Variants in NBEA observed in about 807,000 individuals in gnomAD.
NBEA encodes neurobeachin.
Under a neutral mutation model 343.4 loss-of-function variants are expected in NBEA, and 44 were observed. The observed-to-expected ratio is 0.13, with a 90% CI of 0.10 to 0.16. The LOEUF (loss-of-function observed/expected upper bound fraction) is 0.16, where lower values mean the gene tolerates loss of function less well. Among genes scored for constraint, NBEA ranks in the 10% least tolerant of loss-of-function variants. The pLI, the probability that NBEA is intolerant of heterozygous loss-of-function variation, is 1.00. For synonymous variants in NBEA, 1,175 were observed against 1,238.7 expected (o/e 0.95, Z 1.08); for missense variants, 2,555 against 3,631.3 (o/e 0.70, Z 7.62).
intron 1 of NBEA, among the ~76,000 whole-genome samples, chr13:35,016,556 A>G (rs571130101): frequency 2.0e-5 from 3 of 151,178 alleles, no homozygotes; most frequent in African/African-American, 7.3e-5. Context: ...GAGCTACAAT[A>G]CAAGCTCCAC....
chr13:35,116,095 C>T (rs2066479819), intron 13 of NBEA, among the ~76,000 whole-genome samples: 1 of 152,044 alleles, frequency 6.6e-6, no homozygotes, highest in African/African-American at 2.4e-5. Flanking sequence ...CAGGATGGGA[C>T]CACAATCAGT....
At chr13:35,503,980 G>T (rs971371620) in intron 41 of NBEA, among the ~76,000 whole-genome samples, 1 of 152,120 alleles carries the variant, frequency 6.6e-6, no homozygotes, top group Non-Finnish European at 1.5e-5. Context: ...GATTTGAAGT[G>T]TGCAAAATTT....
intron 1 of NBEA, among the ~76,000 whole-genome samples, chr13:34,975,835 A>T (rs2060155622): frequency 6.6e-6 from 1 of 152,234 alleles, no homozygotes; most frequent in Admixed American, 6.5e-5. Context: ...GCTCAACATC[A>T]CTTATTATCA....
chr13:35,162,159 A>T (rs752086864), intron 23 of NBEA, among the ~76,000 whole-genome samples, 192 bp downstream of exon 23: 5 of 152,144 alleles, frequency 3.3e-5, no homozygotes, highest in Non-Finnish European at 7.4e-5. Context: ...TAAGTTTAAA[A>T]TCACCCTGTG....
chr13:35,671,162 T>C lies in NBEA; in HGVS notation c.*171T>C. ...AGCAACCATTTTACTTTGTGTGTTT[T>C]TTCACGACTGAACACCAGCTGCTAT... On this transcript the variant is annotated 3_prime_UTR_variant, in exon 59 of 59. Transcript: ENST00000379939. 1 of 561,846 alleles carries C rather than the reference T, an allele frequency of 1.8e-6. No homozygotes were observed. 34.8% of individuals were successfully genotyped at this position (561,846 alleles called of 1,614,324 possible). A position where few individuals can be genotyped will look rare whatever the true frequency, so the allele number is the denominator to read the frequency against.
intron 40 of NBEA, 132 bp downstream of exon 40, chr13:35,452,367 C>G: frequency 1.5e-6 from 1 of 667,490 alleles, no homozygotes; most frequent in Non-Finnish European, 2.6e-6. Flanking sequence ...TGTTAAAACT[C>G]TACTTTATCT....
intron 11 of NBEA, among the ~76,000 whole-genome samples, chr13:35,101,572 TAGG>T (rs1446162826): frequency 6.6e-6 from 1 of 151,886 alleles, no homozygotes; most frequent in East Asian, 1.9e-4. Context: ...TATTGATTTG[TAGG>T]AGTTTTTTTT....
chr13:35,232,412 T>G (rs9565113), intron 33 of NBEA, 80 bp from the exon 34 acceptor site: 816,067 of 973,858 alleles, frequency 0.84, 344,442 homozygotes, highest in South Asian at 0.94. Context: ...GATTTTTAAA[T>G]ATTTTAATTT....
At chr13:35,273,146 A>C (rs1277450598) in intron 34 of NBEA, among the ~76,000 whole-genome samples, 1 of 152,180 alleles carries the variant, frequency 6.6e-6, no homozygotes, top group Non-Finnish European at 1.5e-5. Context: ...AAATCACAAC[A>C]AACTTTCTCT....
chr13:35,271,139 C>T (rs12867391), intron 34 of NBEA, among the ~76,000 whole-genome samples: 20 of 152,098 alleles, frequency 1.3e-4, no homozygotes, highest in Non-Finnish European at 2.2e-4. Flanking sequence ...CCCTCTGGGA[C>T]GAAGCTTCCA....
intron 49 of NBEA, among the ~76,000 whole-genome samples, chr13:35,639,238 A>G (rs189509857): frequency 2.0e-5 from 3 of 152,312 alleles, no homozygotes; most frequent in Non-Finnish European, 4.4e-5. Flanking sequence ...ATAGCATTTT[A>G]ATTTTTTATA....
intron 38 of NBEA, among the ~76,000 whole-genome samples, chr13:35,417,248 C>T (rs1262157325): frequency 6.6e-6 from 1 of 152,048 alleles, no homozygotes; most frequent in Non-Finnish European, 1.5e-5. Context: ...CAGTTCTGCT[C>T]TGATCTTAGT....
chr13:35,196,274 C>G lies in NBEA; in HGVS notation c.5338C>G (p.Leu1780Val), dbSNP rs780695198. ...ATTGAAGAGAGAAACACAAGCTATT[C>G]TTCCTATGCAGTTTCATTCCTTTGA... ...PALKRETQAI[L>V]PMQFHSFDRS... Residue 1780 changes from leucine to valine, a missense_variant, in exon 31 of 59, where the codon CTT becomes GTT. Transcript: ENST00000379939. 1.9e-6 allele frequency: 3 copies of G among 1,613,178 alleles called. No individual in the cohort carries two copies. The highest frequency in any genetic ancestry group is 1.7e-5 in the Admixed American group (1 of 59,972).
chr13:35,071,016 T>C (rs916744729), intron 10 of NBEA, 164 bp downstream of exon 10: 9 of 603,442 alleles, frequency 1.5e-5, no homozygotes, highest in Non-Finnish European at 2.2e-5. Context: ...ATACAATAAA[T>C]AAAGAAAACG....
chr13:35,376,879 C>T (rs2152888330), intron 38 of NBEA, among the ~76,000 whole-genome samples: 1 of 152,172 alleles, frequency 6.6e-6, no homozygotes, highest in Middle Eastern at 3.4e-3. Flanking sequence ...CATGTGGTAC[C>T]CCACTGAGCA....
In NBEA at chr13:35,110,956, T is replaced by C; in HGVS notation, c.1980T>C (p.Ser660=). ...YYWVINPADS[S]GITPKGLDGP... ...GGGTTATTAATCCTGCTGACAGTAG[T>C]GGCATTACACCTAAAGGATTAGGTA... The change falls in exon 13 of 59, where the codon AGT becomes AGC. Residue 660 remains serine (S), a synonymous_variant. Transcript: ENST00000379939. 6.2e-7 allele frequency: 1 copy of C among 1,610,850 alleles called. No individual in the cohort carries two copies. Among genetic ancestry groups the C allele is most frequent in the Non-Finnish European group, 8.5e-7 (1 of 1,177,668 alleles).
chr13:34,976,654 GTT>G (rs766823932), intron 1 of NBEA, among the ~76,000 whole-genome samples: 10 of 127,730 alleles, frequency 7.8e-5, no homozygotes, highest in Non-Finnish European at 1.3e-4. Flanking sequence ...TTTGTTTTTT[GTT>G]TTTTTTTTTT....
At chr13:34,982,520 T>C (rs1230813749) in intron 1 of NBEA, among the ~76,000 whole-genome samples, 1 of 152,048 alleles carries the variant, frequency 6.6e-6, no homozygotes, top group Non-Finnish European at 1.5e-5. Context: ...AGGCTGGTCT[T>C]GAACTCCTGG....
intron 38 of NBEA, among the ~76,000 whole-genome samples, chr13:35,408,065 C>CA (rs566742375): frequency 7.4e-4 from 113 of 152,180 alleles, no homozygotes; most frequent in Non-Finnish European, 8.8e-4. Flanking sequence ...CAATCATAAG[C>CA]AAAAATAATA....
Sources: gnomAD v4.1 joint callset for allele counts (sites outside exome capture counted in the v4.1 genomes callset) on GRCh38, gnomAD v4.1.1 for gene constraint, MANE v1.5 for transcripts, NCBI Gene and HGNC (gene_info 2026-07-23, HGNC 2026-07-21) for gene names.